Variants in LRRC63 observed in about 807,000 individuals in gnomAD.
The protein encoded by LRRC63 is leucine-rich repeat-containing protein 63.
In LRRC63, 40 loss-of-function variants were observed where a neutral mutation model predicts 49.5. The observed-to-expected ratio is 0.81, with a 90% CI of 0.63 to 1.05. LRRC63 has a LOEUF of 1.05. Among genes scored for constraint, LRRC63 ranks in the 50% least tolerant of loss-of-function variants. The pLI is 0.00. For synonymous variants in LRRC63, 191 were observed against 221.1 expected, an observed-to-expected ratio of 0.86 and a Z score of 1.21; for missense variants, 636 against 663.1, an observed-to-expected ratio of 0.96 and a Z score of 0.45.
chr13:46,232,489 T>G (rs1326003212), intron 4 of LRRC63, among the ~76,000 whole-genome samples: 1 of 152,208 alleles, frequency 6.6e-6, no homozygotes, highest in Non-Finnish European at 1.5e-5. Context: ...TGTAAACACA[T>G]TGGAATTTCC....
chr13:46,214,262 A>G (rs1328676415), intron 2 of LRRC63, among the ~76,000 whole-genome samples: 2 of 152,156 alleles, frequency 1.3e-5, no homozygotes, highest in African/African-American at 4.8e-5. Flanking sequence ...TCATCTTTTG[A>G]CCTATGGCTA....
chr13:46,214,352 AT>A (rs2046183907), intron 2 of LRRC63, among the ~76,000 whole-genome samples: 1 of 152,112 alleles, frequency 6.6e-6, no homozygotes, highest in Admixed American at 6.6e-5. Flanking sequence ...TTGTTACATG[AT>A]TTTTACATCA....
chr13:46,226,335 G>T (rs1237095340), intron 2 of LRRC63, among the ~76,000 whole-genome samples: 1 of 152,086 alleles, frequency 6.6e-6, no homozygotes. Context: ...TATAAGTGGG[G>T]CAAGGTGTGG....
At chr13:46,240,121 T>TTTTTC in intron 5 of LRRC63, among the ~76,000 whole-genome samples, 1 of 125,588 alleles carries the variant, frequency 8.0e-6, no homozygotes, top group African/African-American at 4.0e-5. Context: ...TCTCTCTCTC[T>TTTTTC]TTTTCTTTTT....
At chr13:46,251,112 A>G (rs1272914776) in intron 7 of LRRC63, among the ~76,000 whole-genome samples, 1 of 151,918 alleles carries the variant, frequency 6.6e-6, no homozygotes, top group Admixed American at 6.6e-5. Context: ...TCAGAGTTTA[A>G]CAAATTGAAT....
exon 6 of LRRC63, chr13:46,246,563 T>C (rs1171967213): frequency 3.4e-6 from 5 of 1,471,124 alleles, no homozygotes; most frequent in Non-Finnish European, 2.7e-6. Flanking sequence ...CTTAACACCT[T>C]TGGCTTTCCA....
At chr13:46,228,690 T>C (rs1168905723) in exon 4 of LRRC63, 1 of 1,545,902 alleles carries the variant, frequency 6.5e-7, no homozygotes, top group East Asian at 2.4e-5. Flanking sequence ...AAAATGGAAA[T>C]ATAGAAAGTG....
intron 9 of LRRC63, chr13:46,270,451 A>G (rs2138591657): frequency 1.3e-6 from 1 of 788,382 alleles, no homozygotes; most frequent in Non-Finnish European, 2.3e-6. Context: ...TGAATGAAAA[A>G]CATTCTCCAT....
chr13:46,251,017 C>T (rs1389223964), intron 7 of LRRC63, among the ~76,000 whole-genome samples: 1 of 151,824 alleles, frequency 6.6e-6, no homozygotes, highest in Non-Finnish European at 1.5e-5. Context: ...TTTCTTCCCA[C>T]GTATGGACTA....
chr13:46,258,632 A>T (rs2047561817), intron 7 of LRRC63, among the ~76,000 whole-genome samples: 2 of 149,466 alleles, frequency 1.3e-5, no homozygotes, highest in African/African-American at 4.9e-5. Context: ...ACATGGTGAA[A>T]CCCCATCTCT....
At chr13:46,270,156 A>C in intron 9 of LRRC63, 1 of 733,292 alleles carries the variant, frequency 1.4e-6, no homozygotes, top group South Asian at 1.5e-5. Context: ...TACAAAGCAG[A>C]TGTCAAAGGA....
chr13:46,223,888 C>CA (rs1159068049), intron 2 of LRRC63, among the ~76,000 whole-genome samples: 5 of 151,804 alleles, frequency 3.3e-5, no homozygotes, highest in African/African-American at 9.7e-5. Context: ...CAACAAAAAA[C>CA]AAAAAAAACC....
chr13:46,241,521 C>T (rs2047062320), intron 5 of LRRC63, among the ~76,000 whole-genome samples: 1 of 152,136 alleles, frequency 6.6e-6, no homozygotes, highest in Admixed American at 6.6e-5. Flanking sequence ...AAACTATCAA[C>T]AGAGTGAACA....
At chr13:46,236,672 A>G (rs1341672546) in intron 5 of LRRC63, among the ~76,000 whole-genome samples, 1 of 152,178 alleles carries the variant, frequency 6.6e-6, no homozygotes, top group Non-Finnish European at 1.5e-5. Flanking sequence ...AAGAAATGCT[A>G]GAGAGTTGTT....
At chr13:46,273,399 G>A (rs1311008752) in intron 9 of LRRC63, among the ~76,000 whole-genome samples, 2 of 151,928 alleles carry the variant, frequency 1.3e-5, no homozygotes, top group East Asian at 3.9e-4. Context: ...TCAGGAGATC[G>A]AGACAATCCT....
intron 8 of LRRC63, among the ~76,000 whole-genome samples, chr13:46,263,415 A>G (rs1032256530): frequency 7.9e-5 from 12 of 152,020 alleles, no homozygotes; most frequent in African/African-American, 2.4e-4. Flanking sequence ...GCCTCAAGTG[A>G]TCCTACCACC....
intron 4 of LRRC63, among the ~76,000 whole-genome samples, chr13:46,231,517 CTT>C (rs967544918): frequency 6.9e-6 from 1 of 144,222 alleles, no homozygotes; most frequent in African/African-American, 2.5e-5. Flanking sequence ...TTTCTTTTTT[CTT>C]TTTTTTTTTA....
At chr13:46,236,428 G>C (rs2046906963) in intron 5 of LRRC63, among the ~76,000 whole-genome samples, 1 of 152,132 alleles carries the variant, frequency 6.6e-6, no homozygotes, top group South Asian at 2.1e-4. Flanking sequence ...CAGCAATCAA[G>C]AAGTGTTTTG....
chr13:46,267,354 T>G (rs78207196), intron 9 of LRRC63, among the ~76,000 whole-genome samples: 2,166 of 152,342 alleles, frequency 0.014, 56 homozygotes, highest in African/African-American at 0.05. Flanking sequence ...AGACCAGGAA[T>G]GGAGCAGGCA....
Sources: allele counts gnomAD v4.1 joint callset (sites outside exome capture counted in the v4.1 genomes callset), GRCh38; gene constraint gnomAD v4.1.1; transcripts MANE v1.5; gene names NCBI Gene and HGNC (gene_info 2026-07-23, HGNC 2026-07-21).